Variants in TCF7L2 observed in about 807,000 individuals in gnomAD.
TCF7L2 encodes transcription factor 7-like 2.
In TCF7L2, 23 loss-of-function variants were observed where a neutral mutation model predicts 77.9. That is an observed-to-expected ratio of 0.30 (90% CI 0.21 to 0.42). The LOEUF is 0.42. TCF7L2 is among the 10% of genes least tolerant of loss of function. The pLI, the probability that TCF7L2 is intolerant of heterozygous loss-of-function variation, is 1.00. For missense variants in TCF7L2, 654 were observed against 793.1 expected, an observed-to-expected ratio of 0.82 and a Z score of 2.11; for synonymous variants, 413 against 340.2, an observed-to-expected ratio of 1.21 and a Z score of -2.36.
chr10:113,128,343 C>T (rs565044722), intron 5 of TCF7L2, among the ~76,000 whole-genome samples: 1 of 152,210 alleles, frequency 6.6e-6, no homozygotes, highest in South Asian at 2.1e-4. Flanking sequence ...GCCTGCCCAG[C>T]CCTTGTTTTT....
intron 4 of TCF7L2, among the ~76,000 whole-genome samples, chr10:112,984,545 C>T (rs538987253): frequency 1.3e-4 from 20 of 152,182 alleles, no homozygotes; most frequent in Non-Finnish European, 2.4e-4. Context: ...AGCCCCCCAC[C>T]CCTTTTAAGT....
intron 4 of TCF7L2, among the ~76,000 whole-genome samples, chr10:112,977,266 A>G (rs1026372337): frequency 3.3e-5 from 5 of 152,204 alleles, no homozygotes; most frequent in African/African-American, 1.2e-4. Flanking sequence ...ATAGTAGCCC[A>G]TTCTAGGGGT....
intron 7 of TCF7L2, 118 bp downstream of exon 7, chr10:113,144,143 T>G: frequency 1.2e-6 from 1 of 847,842 alleles, no homozygotes; most frequent in Non-Finnish European, 1.7e-6. Flanking sequence ...TGTGTATGTG[T>G]GTGTGTTAGA....
At chr10:113,063,765 C>G (rs1167226483) in intron 5 of TCF7L2, among the ~76,000 whole-genome samples, 1 of 152,028 alleles carries the variant, frequency 6.6e-6, no homozygotes, top group Non-Finnish European at 1.5e-5. Context: ...AAGAAAAGAG[C>G]AATGAAAGAG....
intron 4 of TCF7L2, among the ~76,000 whole-genome samples, chr10:112,978,633 A>AT (rs988727404): frequency 0.092 from 11,706 of 126,800 alleles, 962 homozygotes; most frequent in African/African-American, 0.21. Flanking sequence ...CGCCTGGCTA[A>AT]TTTTTTTTTT....
intron 5 of TCF7L2, among the ~76,000 whole-genome samples, chr10:113,083,960 T>C (rs1025691191): frequency 6.6e-6 from 1 of 152,180 alleles, no homozygotes; most frequent in African/African-American, 2.4e-5. Context: ...CCCTTTTACA[T>C]CTAGACTTGG....
intron 5 of TCF7L2, among the ~76,000 whole-genome samples, chr10:113,121,902 T>C (rs1475847673): frequency 6.6e-6 from 1 of 152,212 alleles, no homozygotes; most frequent in Non-Finnish European, 1.5e-5. Flanking sequence ...GAAAACACGT[T>C]GCCATATTGA....
chr10:113,064,257 G>A (rs1256190873), intron 5 of TCF7L2, among the ~76,000 whole-genome samples: 1 of 152,342 alleles, frequency 6.6e-6, no homozygotes, highest in East Asian at 1.9e-4. Context: ...CTCTGGGAGA[G>A]GGAGGGGCCA....
chr10:113,145,191 G>A (rs2069131986), intron 7 of TCF7L2, among the ~76,000 whole-genome samples: 1 of 151,122 alleles, frequency 6.6e-6, no homozygotes, highest in Admixed American at 6.6e-5. Flanking sequence ...TATAGTTTCT[G>A]TTTCTCTGTC....
intron 4 of TCF7L2, among the ~76,000 whole-genome samples, chr10:113,018,444 C>CTT (rs35916053): frequency 0.31 from 29,075 of 92,390 alleles, 5,637 homozygotes; most frequent in Non-Finnish European, 0.37. Context: ...CTCCTGAGTC[C>CTT]TTTTTTTTTT....
At position 113,005,757 on chromosome 10, in the gene TCF7L2, C is replaced by G. The variant is rs532372549; in HGVS notation, c.451-34268C>G. ...CAAGTGTTTGTCCTCATCGTTATCC[C>G]AAATTGCTTGCCTGGAATAAGGAAG... On this transcript the variant is annotated intron_variant, in intron 4 of 13. Coordinates refer to ENST00000627217, the MANE Select transcript of TCF7L2 (RefSeq NM_001146274.2). 1.1e-4 allele frequency among the ~76,000 whole-genome samples: 17 copies of G among 152,138 alleles called. No individual in the cohort carries two copies. The East Asian group carries it at 3.3e-3, about 29-fold the overall frequency.
At chr10:113,083,475 G>A (rs1430512498) in intron 5 of TCF7L2, among the ~76,000 whole-genome samples, 1 of 152,194 alleles carries the variant, frequency 6.6e-6, no homozygotes, top group Non-Finnish European at 1.5e-5. Context: ...CTTATCTGGA[G>A]CCCTGATGGC....
At chr10:113,148,434 A>G (rs931644721) in intron 8 of TCF7L2, among the ~76,000 whole-genome samples, 1 of 152,242 alleles carries the variant, frequency 6.6e-6, no homozygotes, top group African/African-American at 2.4e-5. Context: ...ATGAGAGAAT[A>G]ATGACAAACC....
chr10:113,096,334 A>AAT (rs892467898), intron 5 of TCF7L2, among the ~76,000 whole-genome samples: 1 of 152,056 alleles, frequency 6.6e-6, no homozygotes, highest in African/African-American at 2.4e-5. Context: ...AACTTAATTT[A>AAT]CTCATTTTTA....
At position 113,120,087 on chromosome 10, in the gene TCF7L2, CGACTG is replaced by C. The variant is rs374476366; in HGVS notation, c.553-21096_553-21092del. Reference sequence around the variant, plus strand: ...TGTTGCCGCGGGCTGAGAATTTCATCGACTGATGAGACCAGAGGCTCCGCCAATAA... The same window carrying C: ...TGTTGCCGCGGGCTGAGAATTTCATCATGAGACCAGAGGCTCCGCCAATAA... On this transcript the variant is annotated intron_variant, in intron 5 of 13. Transcript: ENST00000627217. 2.6e-4 allele frequency among the ~76,000 whole-genome samples: 39 copies of C among 152,302 alleles called. No individual in the cohort carries two copies. The East Asian group carries it at 6.7e-3, about 26-fold the overall frequency.
rs564503600 is a variant in TCF7L2, at chr10:113,028,352, G to A, written c.451-11673G>A. ...GGGGCCTCCAGAAGGTCAGCCTCCCGTAAATCTTCACCCTGGCTTTGGGGT... is the reference window on the plus strand; with the variant it reads ...GGGGCCTCCAGAAGGTCAGCCTCCCATAAATCTTCACCCTGGCTTTGGGGT... On this transcript the variant is annotated intron_variant, in intron 4 of 13. Transcript: ENST00000627217. 2.9e-3 allele frequency among the ~76,000 whole-genome samples: 443 copies of A among 152,228 alleles called. 1 individual carries two copies. Among genetic ancestry groups the A allele is most frequent in the African/African-American group, 9.2e-3 (384 of 41,532 alleles).
At chr10:112,976,453 G>A (rs2135073768) in intron 4 of TCF7L2, among the ~76,000 whole-genome samples, 1 of 152,246 alleles carries the variant, frequency 6.6e-6, no homozygotes, top group South Asian at 2.1e-4. Context: ...TGTTACATTT[G>A]ACTAGAATAT....
intron 4 of TCF7L2, among the ~76,000 whole-genome samples, chr10:112,968,486 A>G (rs1305862528): frequency 2.0e-5 from 3 of 152,254 alleles, no homozygotes; most frequent in Non-Finnish European, 4.4e-5. Context: ...CATAAATTAT[A>G]TATTAATTGA....
chr10:113,018,170 T>C (rs1230407186), intron 4 of TCF7L2, among the ~76,000 whole-genome samples: 1 of 152,174 alleles, frequency 6.6e-6, no homozygotes, highest in African/African-American at 2.4e-5. Context: ...GATGATTACA[T>C]GAGCTGCGTA....
Sources: allele counts gnomAD v4.1 joint callset (sites outside exome capture counted in the v4.1 genomes callset), GRCh38; gene constraint gnomAD v4.1.1; transcripts MANE v1.5; gene names NCBI Gene and HGNC (gene_info 2026-07-23, HGNC 2026-07-21).